Variants in ROBO1 observed in about 807,000 individuals in gnomAD.
The protein encoded by ROBO1 is roundabout homolog 1.
ROBO1 carries 149 observed loss-of-function variants against 195.9 expected under a neutral mutation model. The observed-to-expected ratio is 0.76, with a 90% CI of 0.67 to 0.87. The LOEUF (loss-of-function observed/expected upper bound fraction) is 0.87. Ranked by LOEUF, ROBO1 falls within the 40% of genes least tolerant of loss-of-function variation. The pLI, the probability that ROBO1 is intolerant of heterozygous loss-of-function variation, is 0.00. For missense variants in ROBO1, 1,933 were observed against 2,068.3 expected (o/e 0.93, Z 1.27); for synonymous variants, 816 against 733.2 (o/e 1.11, Z -1.82).
chr3:79,041,750 C>T (rs1222045113), intron 3 of ROBO1, among the ~76,000 whole-genome samples: 1 of 152,064 alleles, frequency 6.6e-6, no homozygotes, highest in East Asian at 1.9e-4. Context: ...TGGGAGGAAA[C>T]AATGCTGTTA....
At chr3:78,873,214 TC>T (rs1184031187) in intron 4 of ROBO1, among the ~76,000 whole-genome samples, 1 of 152,162 alleles carries the variant, frequency 6.6e-6, no homozygotes, top group Non-Finnish European at 1.5e-5. Flanking sequence ...TCTCTCTACT[TC>T]CTACTTTTCT....
At chr3:78,674,942 C>T (rs3773226) in intron 10 of ROBO1, among the ~76,000 whole-genome samples, 38,692 of 151,828 alleles carry the variant, frequency 0.25, 5,109 homozygotes, top group African/African-American at 0.32. Flanking sequence ...ATTGAATTCA[C>T]TATATGGCTT....
At chr3:78,659,962 C>G (rs1707289425) in intron 16 of ROBO1, 155 bp from the exon 17 acceptor site, 2 of 446,860 alleles carry the variant, frequency 4.5e-6, no homozygotes, top group East Asian at 8.2e-5. Context: ...GCTCTGTCAT[C>G]TAGGCTGTAG....
chr3:79,642,018 T>G (rs1024046088), intron 1 of ROBO1, among the ~76,000 whole-genome samples: 19 of 152,192 alleles, frequency 1.2e-4, no homozygotes, highest in African/African-American at 4.6e-4. Flanking sequence ...GAGACTGTTT[T>G]GTTTTGTTTT....
At chr3:78,698,882 C>T (rs2081358333) in intron 8 of ROBO1, among the ~76,000 whole-genome samples, 1 of 152,182 alleles carries the variant, frequency 6.6e-6, no homozygotes, top group Non-Finnish European at 1.5e-5. Flanking sequence ...GTCACTTTCC[C>T]AAAAAAGCAG....
intron 3 of ROBO1, among the ~76,000 whole-genome samples, chr3:79,090,738 T>C (rs2079465152): frequency 1.3e-5 from 2 of 152,062 alleles, no homozygotes; most frequent in African/African-American, 4.8e-5. Flanking sequence ...GTTGTTGAGA[T>C]TGTTGAATAA....
At chr3:78,923,050 AATAGTT>A (rs766725719) in intron 4 of ROBO1, among the ~76,000 whole-genome samples, 2 of 152,168 alleles carry the variant, frequency 1.3e-5, no homozygotes, top group Non-Finnish European at 2.9e-5. Context: ...ATTATTTTCC[AATAGTT>A]ATCCAATTAT....
At chr3:79,120,979 C>T (rs1295472513) in intron 3 of ROBO1, among the ~76,000 whole-genome samples, 1 of 152,012 alleles carries the variant, frequency 6.6e-6, no homozygotes, top group Non-Finnish European at 1.5e-5. Context: ...ACTACATGCC[C>T]AAATGTAGCT....
intron 3 of ROBO1, among the ~76,000 whole-genome samples, chr3:79,042,256 T>TATAC (rs1460919911): frequency 1.3e-5 from 2 of 152,158 alleles, no homozygotes; most frequent in African/African-American, 2.4e-5. Flanking sequence ...AGTCTACACA[T>TATAC]ATACATACAT....
chr3:79,390,945 G>A (rs562726637), intron 2 of ROBO1, among the ~76,000 whole-genome samples: 3 of 152,078 alleles, frequency 2.0e-5, no homozygotes, highest in South Asian at 4.2e-4. Flanking sequence ...AAAGAAGAAC[G>A]CTTTAAGAAT....
intron 2 of ROBO1, among the ~76,000 whole-genome samples, chr3:79,409,805 C>G (rs1020798770): frequency 6.6e-6 from 1 of 152,104 alleles, no homozygotes; most frequent in African/African-American, 2.4e-5. Context: ...TCAGTCACCT[C>G]TTAGAAAGTC....
intron 3 of ROBO1, among the ~76,000 whole-genome samples, chr3:79,106,422 A>G (rs1284417364): frequency 6.6e-6 from 1 of 151,680 alleles, no homozygotes; most frequent in Non-Finnish European, 1.5e-5. Context: ...TTCAGAACAT[A>G]ACATTGCCTG....
Position 79,371,154 on chromosome 3 carries a change from C to T in ROBO1, c.88+218670G>A, listed in dbSNP as rs117566338. ...TAGTGTTGCAATAAACATATGTGTG[C>T]GTGTGTCTTTATAGTAAAATGATTT... On this transcript the variant is annotated intron_variant, in intron 2 of 30. Transcript: ENST00000464233. Among the ~76,000 whole-genome samples the T allele has an allele frequency of 8.7e-4, 133 of 152,082 alleles. 1 individual carries two copies. In the East Asian group the frequency reaches 0.022, roughly 25 times the overall value.
intron 2 of ROBO1, among the ~76,000 whole-genome samples, chr3:79,233,409 A>G (rs919956641): frequency 6.6e-6 from 1 of 152,134 alleles, no homozygotes; most frequent in Non-Finnish European, 1.5e-5. Context: ...ATGTACATTC[A>G]ACAATGATTT....
intron 1 of ROBO1, among the ~76,000 whole-genome samples, chr3:79,633,054 G>T (rs1945389943): frequency 6.6e-6 from 1 of 151,888 alleles, no homozygotes; most frequent in Admixed American, 6.6e-5. Flanking sequence ...GGGAAATACA[G>T]GTTAAAACAT....
chr3:78,659,262 A>T (rs1276063124), intron 17 of ROBO1, among the ~76,000 whole-genome samples: 1 of 152,214 alleles, frequency 6.6e-6, no homozygotes, highest in Non-Finnish European at 1.5e-5. Flanking sequence ...TCTTTTAAAT[A>T]CTTTAAAAAA....
chr3:79,071,530 G>C (rs1007089937), intron 3 of ROBO1, among the ~76,000 whole-genome samples: 1 of 151,736 alleles, frequency 6.6e-6, no homozygotes, highest in Non-Finnish European at 1.5e-5. Flanking sequence ...TCATTTGGTT[G>C]TGTTATTTGT....
rs906739141 is a variant in ROBO1 at position 79,244,256 on chromosome 3, G to T, written c.89-118717C>A. On this transcript the variant is annotated intron_variant, in intron 2 of 30. Coordinates refer to ENST00000464233, the MANE Select transcript of ROBO1 (RefSeq NM_002941.4). ...AAGGTTAGCTCTCTCCTCCCCCTCT[G>T]ACTATTTGCTCCTCAATGGTCAGAG... is the stretch of plus-strand genomic sequence containing the variant. Among the ~76,000 whole-genome samples the T allele has an allele frequency of 4.6e-5, 7 of 151,960 alleles. No individual in the cohort carries two copies. The East Asian group carries it at 1.4e-3, about 29-fold the overall frequency.
chr3:78,774,683 T>C (rs2083462643), intron 4 of ROBO1, among the ~76,000 whole-genome samples: 1 of 152,176 alleles, frequency 6.6e-6, no homozygotes, highest in African/African-American at 2.4e-5. Flanking sequence ...CAATATTTTA[T>C]ATGTTACAAA....
Sources: allele counts gnomAD v4.1 joint callset (sites outside exome capture counted in the v4.1 genomes callset), GRCh38; gene constraint gnomAD v4.1.1; transcripts MANE v1.5; gene names NCBI Gene and HGNC (gene_info 2026-07-23, HGNC 2026-07-21).